The following JADE2 variants were observed in gnomAD, a reference collection of about 807,000 sequenced individuals.
JADE2 encodes jade family PHD finger 2, also known as E3 ubiquitin-protein ligase Jade-2.
A neutral mutation model predicts 85.7 loss-of-function variants in JADE2; 13 were observed. The ratio of observed to expected loss-of-function variants is 0.15; its 90% confidence interval spans 0.10 to 0.24. JADE2 has a LOEUF of 0.24. Ranked by LOEUF, JADE2 falls within the 10% of genes least tolerant of loss-of-function variation. JADE2 has a pLI of 1.00. For synonymous variants in JADE2, 440 were observed against 456.1 expected, an observed-to-expected ratio of 0.96 and a Z score of 0.45; for missense variants, 846 against 1,115.9, an observed-to-expected ratio of 0.76 and a Z score of 3.45.
chr5:134,526,745 GA>G, intron 1 of JADE2: 1 of 985,538 alleles, frequency 1.0e-6, no homozygotes, highest in Non-Finnish European at 1.2e-6. Flanking sequence ...AGGGGCGGGG[GA>G]CACCCTTTCC....
intron 2 of JADE2, 102 bp downstream of exon 2, chr5:134,536,017 T>C: frequency 1.0e-6 from 1 of 958,712 alleles, no homozygotes; most frequent in Non-Finnish European, 1.7e-6. Flanking sequence ...TTAATTTCAC[T>C]AAGAGGCATG....
intron 3 of JADE2, among the ~76,000 whole-genome samples, chr5:134,538,731 T>C (rs1397290738): frequency 1.3e-5 from 2 of 152,154 alleles, no homozygotes; most frequent in African/African-American, 4.8e-5. Flanking sequence ...GCCTTATTGC[T>C]CCTTCTTGTA....
chr5:134,561,266 C>G (rs993539823), intron 6 of JADE2, among the ~76,000 whole-genome samples: 1 of 152,236 alleles, frequency 6.6e-6, no homozygotes, highest in African/African-American at 2.4e-5. Flanking sequence ...TACTAAAAGG[C>G]AGCCCACTGC....
At chr5:134,559,588 G>A (rs921057705) in intron 4 of JADE2, among the ~76,000 whole-genome samples, 2 of 152,210 alleles carry the variant, frequency 1.3e-5, no homozygotes. Flanking sequence ...ATCCCCCACT[G>A]TGCCCTACTG....
At chr5:134,539,489 G>A (rs539500257) in intron 3 of JADE2, among the ~76,000 whole-genome samples, 11 of 152,296 alleles carry the variant, frequency 7.2e-5, no homozygotes, top group Admixed American at 3.3e-4. Flanking sequence ...GTGAGCCACC[G>A]CGCCCGGCCA....
intron 1 of JADE2, 162 bp downstream of exon 1, chr5:134,526,173 G>A (rs377180739): frequency 2.1e-5 from 21 of 984,230 alleles, no homozygotes; most frequent in Middle Eastern, 1.0e-3. Flanking sequence ...AGCGCGGAGA[G>A]GGGGGGGATG....
At chr5:134,556,063 G>A (rs1410983167) in intron 4 of JADE2, among the ~76,000 whole-genome samples, 1 of 152,138 alleles carries the variant, frequency 6.6e-6, no homozygotes, top group Non-Finnish European at 1.5e-5. Context: ...TGTGGTGATG[G>A]GGAAGCCCAG....
chr5:134,526,444 G>A (rs1316260311), intron 1 of JADE2: 76 of 985,058 alleles, frequency 7.7e-5, no homozygotes, highest in Non-Finnish European at 9.0e-5. Context: ...TGGGGAGGTC[G>A]AGCGGCCCGG....
chr5:134,568,199 G>C (rs1222147699), intron 9 of JADE2, among the ~76,000 whole-genome samples: 1 of 152,214 alleles, frequency 6.6e-6, no homozygotes, highest in Admixed American at 6.5e-5. Context: ...CCTGGAAAAA[G>C]AGACTTGAGG....
chr5:134,535,056 G>A (rs996013228), intron 1 of JADE2, among the ~76,000 whole-genome samples: 4 of 152,206 alleles, frequency 2.6e-5, no homozygotes, highest in East Asian at 1.9e-4. Flanking sequence ...CAAGGTGCTG[G>A]CCTCACTTGT....
chr5:134,542,912 T>C (rs1263992856), intron 3 of JADE2, among the ~76,000 whole-genome samples: 1 of 151,984 alleles, frequency 6.6e-6, no homozygotes, highest in East Asian at 1.9e-4. Flanking sequence ...TTTGTATTTT[T>C]AGTAGAGACG....
At position 134,566,076 on chromosome 5, in the gene JADE2, G is replaced by T; in HGVS notation, c.970-40G>T. The T allele has an allele frequency of 6.5e-7, 1 of 1,547,846 alleles. No homozygotes were observed. The highest frequency in any genetic ancestry group is 8.8e-7 in the Non-Finnish European group (1 of 1,130,342). ...CCTCTGTCTTCTCCCCTCCCACCAG[G>T]CTCCCTCCATGTCTGATCCTGCCCC... On this transcript the variant is annotated intron_variant, in intron 8 of 11. Transcript: ENST00000681547. This position sits in a 1 kb window ranked among gnomAD's most constrained non-coding sequence, Gnocchi z 6.7.
chr5:134,576,169 A>G (rs1764355386), intron 10 of JADE2, among the ~76,000 whole-genome samples: 1 of 152,200 alleles, frequency 6.6e-6, no homozygotes, highest in Non-Finnish European at 1.5e-5. Flanking sequence ...ACTGCGCTCC[A>G]TCATGGGCAA....
intron 2 of JADE2, among the ~76,000 whole-genome samples, 200 bp from the exon 3 acceptor site, chr5:134,537,789 T>C (rs1326304897): frequency 2.0e-5 from 3 of 152,112 alleles, no homozygotes; most frequent in Non-Finnish European, 4.4e-5. Context: ...AGCCTTCTGG[T>C]TGGCGAGTAG....
intron 10 of JADE2, 94 bp from the exon 11 acceptor site, chr5:134,576,674 G>T: frequency 6.9e-7 from 1 of 1,446,532 alleles, no homozygotes. Flanking sequence ...ACTGGCTGAT[G>T]GAGGACTCCT....
chr5:134,559,094 G>C (rs1306198028), intron 4 of JADE2, among the ~76,000 whole-genome samples: 3 of 152,202 alleles, frequency 2.0e-5, no homozygotes. Context: ...CTGGGGCCGG[G>C]TAACACTGTG....
rs1246987052 is a variant in JADE2, at chr5:134,566,190, A to G, written c.1044A>G (p.Ile348Met). The G allele has an allele frequency of 1.2e-6, 2 of 1,614,072 alleles. No homozygotes were observed. The highest frequency in any genetic ancestry group is 3.3e-5 in the Admixed American group (2 of 60,016). ...AFDHGLEMRT[I>M]LADNDEVKFK... ...ACCACGGCCTGGAAATGCGGACTAT[A>G]TTAGCAGACAACGATGAGGTCAAGT... The change falls in exon 9 of 12, where the codon ATA becomes ATG. Residue 348 changes from isoleucine to methionine, a missense_variant. By Grantham distance (10) the Ile-to-Met change is conservative (BLOSUM62 1). Coordinates refer to ENST00000681547, the MANE Select transcript of JADE2 (RefSeq NM_001388185.1). The surrounding 1 kb of genome is among the most constrained non-coding windows in gnomAD (Gnocchi z 6.7).
rs1441950678 is a variant in JADE2, at chr5:134,562,314, A to G, written c.799A>G (p.Thr267Ala). Reference protein sequence around the residue: ...CPKRGGALKPTRSGTKWVHVS... With the variant: ...CPKRGGALKPARSGTKWVHVS... ...CAAGCGAGGAGGAGCCTTGAAGCCCACTAGAAGTGGGACCAAGTGGGTGCA... is the reference window on the plus strand; with the variant it reads ...CAAGCGAGGAGGAGCCTTGAAGCCCGCTAGAAGTGGGACCAAGTGGGTGCA... Residue 267 changes from threonine (T) to alanine (A), a missense_variant, in exon 7 of 12, where the codon ACT (threonine) becomes GCT (alanine). By Grantham distance (58) the Thr-to-Ala change is moderately conservative (BLOSUM62 0). Coordinates refer to ENST00000681547, the MANE Select transcript of JADE2 (RefSeq NM_001388185.1). The surrounding 1 kb of genome is among the most constrained non-coding windows in gnomAD (Gnocchi z 4.6). 2 of 1,614,002 alleles carry G rather than the reference A, an allele frequency of 1.2e-6. No homozygotes were observed. The highest frequency in any genetic ancestry group is 2.2e-5 in the East Asian group (1 of 44,872).
intron 6 of JADE2, among the ~76,000 whole-genome samples, chr5:134,561,225 CCCT>C (rs1223907013): frequency 6.6e-6 from 1 of 152,196 alleles, no homozygotes. Context: ...CTGTCCCTGC[CCCT>C]CCTCCTCTGC....
Sources: allele counts gnomAD v4.1 joint callset (sites outside exome capture counted in the v4.1 genomes callset), GRCh38; gene constraint gnomAD v4.1.1; non-coding constraint Gnocchi (gnomAD v3.1); transcripts MANE v1.5; gene names NCBI Gene and HGNC (gene_info 2026-07-23, HGNC 2026-07-21).